C4orf50: variants seen among roughly 807,000 people sequenced by gnomAD.
C4orf50 encodes uncharacterized protein C4orf50.
A neutral mutation model predicts 77.2 loss-of-function variants in C4orf50; 80 were observed. The ratio of observed to expected loss-of-function variants is 1.04; its 90% CI spans 0.87 to 1.25. The LOEUF (loss-of-function observed/expected upper bound fraction) is 1.25, where lower values mean the gene tolerates loss of function less well. Ranked by LOEUF, C4orf50 falls within the 50% of genes most tolerant of loss-of-function variation. The pLI is 0.00. For synonymous variants in C4orf50, 532 were observed against 465.3 expected, an observed-to-expected ratio of 1.14 and a Z score of -1.84; for missense variants, 1,257 against 1,152.9, an observed-to-expected ratio of 1.09 and a Z score of -1.31.
At position 5,970,410 on chromosome 4, in the gene C4orf50, T is replaced by C. The variant is rs921537342; in HGVS notation, c.4105-2948A>G. On this transcript the variant is annotated intron_variant, in intron 31 of 33. Coordinates refer to ENST00000531445, the Ensembl canonical transcript of C4orf50. The surrounding 1 kb of genome is among the most constrained non-coding windows in gnomAD (Gnocchi z 4.3). ...GCCATGCCAGGCTGACCTCGTGGGA[T>C]TTCCCCATCCCCAAAACAGGCACCT... Among the ~76,000 whole-genome samples, 5 of 152,070 alleles carry C rather than the reference T, an allele frequency of 3.3e-5. No individual in the cohort carries two copies. Among genetic ancestry groups the C allele is most frequent in the African/African-American group, 9.7e-5 (4 of 41,394 alleles).
intron 7 of C4orf50, among the ~76,000 whole-genome samples, chr4:5,936,608 A>G (rs1718030213): frequency 6.7e-6 from 1 of 149,888 alleles, no homozygotes; most frequent in Non-Finnish European, 1.5e-5. Flanking sequence ...GTTAGACATA[A>G]GTTAGATATA....
chr4:5,911,156 G>T (rs1333505880), intron 7 of C4orf50, among the ~76,000 whole-genome samples: 3 of 152,058 alleles, frequency 2.0e-5, no homozygotes, highest in African/African-American at 7.2e-5. Context: ...TGATCCACCT[G>T]CCTCGGCCTC....
intron 28 of C4orf50, among the ~76,000 whole-genome samples, chr4:5,986,056 C>T (rs1307400436): frequency 1.3e-5 from 2 of 152,130 alleles, no homozygotes; most frequent in African/African-American, 4.8e-5. Flanking sequence ...CACAAATGCA[C>T]ACTCAGAGTG....
chr4:5,943,728 G>T (rs915319984), intron 7 of C4orf50, among the ~76,000 whole-genome samples: 4 of 152,190 alleles, frequency 2.6e-5, no homozygotes, highest in African/African-American at 9.7e-5. Flanking sequence ...AGACGTAGAA[G>T]TCAGAACAAG....
chr4:5,980,238 T>C, exon 29 of C4orf50: 1 of 1,612,386 alleles, frequency 6.2e-7, no homozygotes, highest in Non-Finnish European at 8.5e-7. Flanking sequence ...GGCAGCGCCC[T>C]GGTCCCTGAG....
chr4:5,926,900 A>G (rs1717539851), intron 7 of C4orf50, among the ~76,000 whole-genome samples: 1 of 152,180 alleles, frequency 6.6e-6, no homozygotes, highest in Admixed American at 6.5e-5. Context: ...TCATCCGATC[A>G]GTACATATTT....
In C4orf50 at chr4:5,988,415, C is replaced by T. The variant is rs766808402; in HGVS notation, c.3631G>A (p.Glu1211Lys). The change falls in exon 28 of 34, where the codon GAG (glutamate) becomes AAG (lysine). Residue 1211 changes from glutamate (E) to lysine (K), a missense_variant. Physicochemically the swap from Glu to Lys is moderately conservative, Grantham distance 56. Transcript: ENST00000531445. ...ACAGAACACCTGGGCCTCTTCTCCT[C>T]TTTCTCCAAATGTGCTTCTTTCACT... 12 of 1,611,848 alleles carry T rather than the reference C, an allele frequency of 7.4e-6. No homozygotes were observed. In the Admixed American group the frequency reaches 2.0e-4, roughly 27 times the overall value.
At chr4:5,999,070 G>C (rs1171042853) in intron 25 of C4orf50, among the ~76,000 whole-genome samples, 1 of 152,202 alleles carries the variant, frequency 6.6e-6, no homozygotes, top group Non-Finnish European at 1.5e-5. Flanking sequence ...CAGACTACAG[G>C]TTTGTGGATA....
At chr4:6,004,724 GGTGATGATAGTGA>G (rs1722172719) in intron 25 of C4orf50, among the ~76,000 whole-genome samples, 1 of 150,220 alleles carries the variant, frequency 6.7e-6, no homozygotes, top group Non-Finnish European at 1.5e-5. Flanking sequence ...ATGATGTGAT[GGTGATGATAGTGA>G]TGATGGTGAT....
At chr4:5,989,237 T>G (rs1387202424) in exon 28 of C4orf50, 1 of 1,536,070 alleles carries the variant, frequency 6.5e-7, no homozygotes, top group Admixed American at 2.0e-5. Flanking sequence ...ATCTGGCTTC[T>G]CTGTTTCTTC....
intron 7 of C4orf50, among the ~76,000 whole-genome samples, chr4:5,948,612 T>C (rs1275446962): frequency 2.0e-5 from 3 of 151,844 alleles, no homozygotes; most frequent in Non-Finnish European, 2.9e-5. Context: ...CTGGCCAACA[T>C]AGTGAAATCC....
At chr4:5,968,465 G>C (rs7671976) in intron 31 of C4orf50, among the ~76,000 whole-genome samples, 87,148 of 151,982 alleles carry the variant, frequency 0.57, 25,794 homozygotes, top group Non-Finnish European at 0.64. Context: ...TTCGGTACCA[G>C]GCACAATGCC....
At chr4:5,926,336 C>G (rs1025813147) in intron 7 of C4orf50, among the ~76,000 whole-genome samples, 1 of 152,122 alleles carries the variant, frequency 6.6e-6, no homozygotes, top group African/African-American at 2.4e-5. Flanking sequence ...GAAACAGACA[C>G]GAAGGCCACG....
intron 31 of C4orf50, among the ~76,000 whole-genome samples, chr4:5,971,654 T>C (rs921978748): frequency 2.0e-5 from 3 of 152,230 alleles, no homozygotes; most frequent in Admixed American, 6.5e-5. Flanking sequence ...AAGAAATGAC[T>C]GAAAAAATTT....
chr4:6,008,723 A>G lies in C4orf50; in HGVS notation c.427-191T>C, dbSNP rs552078028. On this transcript the variant is annotated intron_variant, in intron 24 of 33. Coordinates refer to ENST00000531445, the Ensembl canonical transcript of C4orf50. The surrounding 1 kb of genome is among the most constrained non-coding windows in gnomAD (Gnocchi z 6.0). The stretch of plus-strand genomic sequence containing the variant: ...ATCCTCTTAAATTTTGCACGGAGGC[A>G]AGTGTCTCCCTCACTTCATCCACCC... 7.0e-4 allele frequency among the ~76,000 whole-genome samples: 107 copies of G among 152,316 alleles called. 1 individual carries two copies. In the South Asian group the frequency reaches 0.022, roughly 31 times the overall value.
At chr4:5,983,067 C>T (rs752414062) in intron 28 of C4orf50, among the ~76,000 whole-genome samples, 16 of 152,174 alleles carry the variant, frequency 1.1e-4, no homozygotes, top group Non-Finnish European at 1.8e-4. Flanking sequence ...TTGGTGACTT[C>T]TGCTCTATCA....
At chr4:5,969,127 C>T (rs958971286) in intron 31 of C4orf50, among the ~76,000 whole-genome samples, 21 of 152,114 alleles carry the variant, frequency 1.4e-4, no homozygotes, top group Non-Finnish European at 2.5e-4. Context: ...TGAGAAGGAA[C>T]GTCCACTAAA....
chr4:5,901,810 C>T lies in C4orf50; in HGVS notation c.*2475-3622G>A, dbSNP rs1716354750. 2 of 152,170 alleles carry T rather than the reference C, an allele frequency of 1.3e-5. No homozygotes were observed. The highest frequency in any genetic ancestry group is 2.9e-5 in the Non-Finnish European group (2 of 68,058). 9.4% of individuals were successfully genotyped at this position (152,170 alleles called of 1,614,324 possible). ...CCATGCTGTCTAAAGGTCTGGGGCC[C>T]AAGACAGGTATATTCTCTGGTACTG... On this transcript the variant is annotated intron_variant, in intron 7 of 7. Coordinates refer to the C4orf50 transcript ENST00000324058. This position sits in a 1 kb window ranked among gnomAD's most constrained non-coding sequence, Gnocchi z 4.4.
intron 29 of C4orf50, among the ~76,000 whole-genome samples, chr4:5,978,302 C>A (rs531036259): frequency 6.6e-6 from 1 of 152,216 alleles, no homozygotes; most frequent in South Asian, 2.1e-4. Flanking sequence ...ACAAAAATTT[C>A]ATCATAAAAC....
Sources: gnomAD v4.1 joint callset for allele counts (sites outside exome capture counted in the v4.1 genomes callset) on GRCh38, gnomAD v4.1.1 for gene constraint, Gnocchi (gnomAD v3.1) non-coding constraint, MANE v1.5 for transcripts, NCBI Gene and HGNC (gene_info 2026-07-23, HGNC 2026-07-21) for gene names.